CADM2: variants seen among roughly 807,000 people sequenced by gnomAD.
The protein encoded by CADM2 is cell adhesion molecule 2, also known as immunoglobulin superfamily member 4D.
CADM2 carries 12 observed loss-of-function variants against 49.8 expected under a neutral mutation model. The ratio of observed to expected loss-of-function variants is 0.24; its 90% CI spans 0.15 to 0.39. The LOEUF is 0.39. Among genes scored for constraint, CADM2 ranks in the 10% least tolerant of loss-of-function variants. CADM2 has a pLI of 1.00. For missense variants in CADM2, 378 were observed against 492.3 expected (o/e 0.77, Z 2.20); for synonymous variants, 214 against 175.4 (o/e 1.22, Z -1.74).
chr3:85,657,955 G>C (rs1224662514), intron 1 of CADM2, among the ~76,000 whole-genome samples: 1 of 151,740 alleles, frequency 6.6e-6, no homozygotes, highest in Non-Finnish European at 1.5e-5. Context: ...ACTAATTGAT[G>C]CCATATTGTA....
chr3:85,574,641 T>G (rs2107262519), intron 1 of CADM2, among the ~76,000 whole-genome samples: 1 of 152,282 alleles, frequency 6.6e-6, no homozygotes. Flanking sequence ...AATGTTCAAA[T>G]GAACCGAAGT....
At chr3:85,295,784 G>T (rs1386393099) in intron 1 of CADM2, among the ~76,000 whole-genome samples, 1 of 152,038 alleles carries the variant, frequency 6.6e-6, no homozygotes, top group East Asian at 1.9e-4. Context: ...TTGTGGGGTT[G>T]GGGGAGAGGG....
At chr3:85,595,856 C>T (rs1481350328) in intron 1 of CADM2, among the ~76,000 whole-genome samples, 1 of 151,468 alleles carries the variant, frequency 6.6e-6, no homozygotes, top group Non-Finnish European at 1.5e-5. Flanking sequence ...TCTTTTGGTC[C>T]AGGAGGCTTT....
chr3:85,449,290 G>A (rs2037638882), intron 1 of CADM2, among the ~76,000 whole-genome samples: 1 of 151,718 alleles, frequency 6.6e-6, no homozygotes, highest in Non-Finnish European at 1.5e-5. Context: ...GGGTCTAGAT[G>A]AAGATTTTGT....
chr3:86,026,449 C>T (rs2107106580), intron 8 of CADM2, among the ~76,000 whole-genome samples: 1 of 151,928 alleles, frequency 6.6e-6, no homozygotes, highest in Admixed American at 6.6e-5. Flanking sequence ...TTTTTTGTAG[C>T]ATTGGTAGAT....
intron 3 of CADM2, among the ~76,000 whole-genome samples, chr3:85,825,240 G>C (rs566457484): frequency 6.6e-6 from 1 of 151,970 alleles, no homozygotes; most frequent in Non-Finnish European, 1.5e-5. Flanking sequence ...ACCATCAAAA[G>C]GTTCAAGTTT....
chr3:85,601,301 TATTA>T (rs2063398765), intron 1 of CADM2, among the ~76,000 whole-genome samples: 1 of 150,472 alleles, frequency 6.6e-6, no homozygotes, highest in Non-Finnish European at 1.5e-5. Flanking sequence ...ATACATGAAA[TATTA>T]ATTGTATATC....
chr3:85,261,138 T>G (rs1237179055), intron 1 of CADM2, among the ~76,000 whole-genome samples: 1 of 152,056 alleles, frequency 6.6e-6, no homozygotes, highest in Non-Finnish European at 1.5e-5. Context: ...TTCTTTCTAT[T>G]TATTTATTTA....
chr3:85,987,813 AT>A (rs1186050841), intron 8 of CADM2, among the ~76,000 whole-genome samples: 1 of 151,476 alleles, frequency 6.6e-6, no homozygotes, highest in Non-Finnish European at 1.5e-5. Flanking sequence ...TAAGAAGCAT[AT>A]TCTACATATA....
At chr3:85,690,787 G>A (rs2066358361) in intron 1 of CADM2, among the ~76,000 whole-genome samples, 1 of 152,058 alleles carries the variant, frequency 6.6e-6, no homozygotes, top group Non-Finnish European at 1.5e-5. Context: ...TCTAAATTGT[G>A]TTTTCATTTA....
intron 1 of CADM2, among the ~76,000 whole-genome samples, chr3:85,149,452 C>T (rs1340738740): frequency 1.3e-5 from 2 of 152,146 alleles, no homozygotes; most frequent in African/African-American, 2.4e-5. Flanking sequence ...TTGAGCCGGG[C>T]ACGGTTGCTC....
At chr3:85,098,478 G>A (rs1196463660) in intron 1 of CADM2, among the ~76,000 whole-genome samples, 3 of 152,060 alleles carry the variant, frequency 2.0e-5, no homozygotes, top group African/African-American at 7.2e-5. Context: ...AAATGGATTA[G>A]ATGATATCAA....
chr3:85,617,119 A>G (rs780910009), intron 1 of CADM2, among the ~76,000 whole-genome samples: 28 of 151,972 alleles, frequency 1.8e-4, no homozygotes, highest in Non-Finnish European at 2.9e-4. Flanking sequence ...CTCTAATCCA[A>G]TTCCCTCACT....
rs769754695 is a variant in CADM2 at position 85,802,147 on chromosome 3, C to T, written c.189C>T (p.Leu63=). 6.2e-7 allele frequency: 1 copy of T among 1,613,096 alleles called. No homozygotes were observed. The highest frequency in any genetic ancestry group is 8.5e-7 in the Non-Finnish European group (1 of 1,179,544). Reference sequence around the variant, plus strand: ...TTGATCAAAATGATAACACCTCCCTCCAGTGGTCAAATCCAGCTCAACAGA... The same window carrying T: ...TTGATCAAAATGATAACACCTCCCTTCAGTGGTCAAATCCAGCTCAACAGA... The part of the protein sequence containing the change: ...CRVDQNDNTS[L]QWSNPAQQTL... Residue 63 remains leucine (L), a synonymous_variant, in exon 3 of 10, where the codon CTC becomes CTT. Coordinates refer to ENST00000383699, the MANE Select transcript of CADM2 (RefSeq NM_001167675.2).
intron 1 of CADM2, among the ~76,000 whole-genome samples, chr3:85,249,007 G>A (rs1258741137): frequency 1.3e-5 from 2 of 152,126 alleles, no homozygotes; most frequent in African/African-American, 2.4e-5. Flanking sequence ...GTTATCATCT[G>A]TAGGATACTT....
intron 2 of CADM2, among the ~76,000 whole-genome samples, chr3:85,790,334 T>C (rs2071249269): frequency 6.6e-6 from 1 of 152,230 alleles, no homozygotes; most frequent in African/African-American, 2.4e-5. Flanking sequence ...TAGCTAGTTC[T>C]GGTATAATGT....
intron 1 of CADM2, among the ~76,000 whole-genome samples, chr3:84,983,310 C>G (rs1385078872): frequency 6.6e-6 from 1 of 150,712 alleles, no homozygotes; most frequent in Non-Finnish European, 1.5e-5. Context: ...AAAAATAAAT[C>G]CCAATAAAAT....
chr3:85,926,110 C>T (rs1003892000), intron 6 of CADM2, among the ~76,000 whole-genome samples: 1 of 150,136 alleles, frequency 6.7e-6, no homozygotes, highest in Admixed American at 6.7e-5. Context: ...GCACTCCAGC[C>T]GGACGACAGA....
At chr3:85,493,463 G>A (rs923066611) in intron 1 of CADM2, among the ~76,000 whole-genome samples, 11 of 151,976 alleles carry the variant, frequency 7.2e-5, no homozygotes, top group East Asian at 1.9e-4. Flanking sequence ...TTTTTCTTAC[G>A]TGATTTTATT....
Sources: allele counts gnomAD v4.1 joint callset (sites outside exome capture counted in the v4.1 genomes callset), GRCh38; gene constraint gnomAD v4.1.1; transcripts MANE v1.5; gene names NCBI Gene and HGNC (gene_info 2026-07-23, HGNC 2026-07-21).